NECAP1: variants seen among roughly 807,000 people sequenced by gnomAD.
The protein encoded by NECAP1 is NECAP endocytosis associated 1.
NECAP1 carries 13 observed loss-of-function variants against 33.4 expected under a neutral mutation model. The ratio of observed to expected loss-of-function variants is 0.39; its 90% CI spans 0.25 to 0.62. The LOEUF is 0.62. Ranked by LOEUF, NECAP1 falls within the 20% of genes least tolerant of loss-of-function variation. The pLI is 0.52. For synonymous variants in NECAP1, 109 were observed against 125.2 expected (o/e 0.87, Z 0.86); for missense variants, 272 against 347.4 (o/e 0.78, Z 1.73).
intron 1 of NECAP1, chr12:8,089,082 T>A (rs1947518131): frequency 1.3e-5 from 2 of 152,224 alleles, no homozygotes; most frequent in South Asian, 4.1e-4. Flanking sequence ...CTGTTTATTA[T>A]GTTTCTTTTT....
At chr12:8,082,540 A>G (rs1591593549) in intron 1 of NECAP1, among the ~76,000 whole-genome samples, 157 bp downstream of exon 1, 1 of 148,600 alleles carries the variant, frequency 6.7e-6, no homozygotes, top group African/African-American at 2.5e-5. Context: ...CACCTGCTCC[A>G]TCTCCACTCT....
rs1947449141 is a variant in NECAP1 at position 8,082,519 on chromosome 12, A to C, written c.95+136A>C. On this transcript the variant is annotated intron_variant, in intron 1 of 7. Transcript: ENST00000339754. ...TGCTAGCCTCCCTACCTGGGTTGTCATCTCCCTGACCACCTGCTCCATCTC... is the reference window on the plus strand; with the variant it reads ...TGCTAGCCTCCCTACCTGGGTTGTCCTCTCCCTGACCACCTGCTCCATCTC... 14 of 735,550 alleles carry C rather than the reference A, an allele frequency of 1.9e-5. No homozygotes were observed. The Middle Eastern group carries it at 2.2e-3, about 113-fold the overall frequency. 45.6% of individuals were successfully genotyped at this position (735,550 alleles called of 1,614,324 possible).
intron 1 of NECAP1, among the ~76,000 whole-genome samples, chr12:8,085,310 A>ATG (rs1565642930): frequency 4.6e-5 from 7 of 151,972 alleles, no homozygotes; most frequent in East Asian, 1.9e-4. Context: ...GAGCCACCGC[A>ATG]CCCGGCCTAC....
rs781344239 is a variant in NECAP1, at chr12:8,095,589, C to T, written c.677-12C>T. On this transcript the variant is annotated splice_polypyrimidine_tract_variant and intron_variant, in intron 6 of 7. Transcript: ENST00000339754. ...TATGTTTTTCTTTTTTCTTTTCTTA[C>T]CTTGTGTTTAGATATCCTTTTAGAT... 6 of 1,593,952 alleles carry T rather than the reference C, an allele frequency of 3.8e-6. No homozygotes were observed. The Admixed American group carries it at 6.7e-5, about 18-fold the overall frequency.
intron 4 of NECAP1, 83 bp from the exon 5 acceptor site, chr12:8,092,593 T>C: frequency 1.0e-6 from 1 of 976,914 alleles, no homozygotes. Flanking sequence ...TCTCATTTCA[T>C]AAAAGTAAAT....
intron 1 of NECAP1, among the ~76,000 whole-genome samples, chr12:8,083,399 T>C (rs1172304819): frequency 6.6e-6 from 1 of 150,968 alleles, no homozygotes; most frequent in Non-Finnish European, 1.5e-5. Flanking sequence ...AATAAAGCAG[T>C]TACAAATACT....
chr12:8,086,333 C>T (rs1270113657), intron 1 of NECAP1, among the ~76,000 whole-genome samples: 4 of 152,172 alleles, frequency 2.6e-5, no homozygotes, highest in African/African-American at 9.7e-5. Context: ...ACTTATCAGG[C>T]TGAGTGCGGT....
At chr12:8,094,215 AT>A (rs1947574783) in intron 6 of NECAP1, among the ~76,000 whole-genome samples, 1 of 151,992 alleles carries the variant, frequency 6.6e-6, no homozygotes, top group Non-Finnish European at 1.5e-5. Context: ...AGTATCTAAG[AT>A]TTTTTTTAAA....
Position 8,095,670 on chromosome 12 carries a change from A to T in NECAP1, c.746A>T (p.Asn249Ile). The part of the protein sequence containing the change: ...TPAPTPVSVS[N>I]DLWGDFSTAS... ...GCACCAACTCCAGTTTCTGTAAGCA[A>T]TGACTTGTGGGGAGACTTCAGCACT... is the stretch of plus-strand genomic sequence containing the variant. The change falls in exon 7 of 8, where the codon AAT becomes ATT. Residue 249 changes from asparagine (N) to isoleucine (I), a missense_variant. By Grantham distance (149) the Asn-to-Ile change is moderately radical. Coordinates refer to ENST00000339754, the MANE Select transcript of NECAP1 (RefSeq NM_015509.4). The T allele has an allele frequency of 6.2e-7, 1 of 1,614,006 alleles. No homozygotes were observed. Among genetic ancestry groups the T allele is most frequent in the South Asian group, 1.1e-5 (1 of 91,084 alleles).
At chr12:8,091,874 A>ACG (rs757439635) in intron 4 of NECAP1, 24 bp downstream of exon 4, 1 of 1,594,354 alleles carries the variant, frequency 6.3e-7, no homozygotes, top group East Asian at 2.2e-5. Flanking sequence ...GTCCTTAGTT[A>ACG]CGAGGCTGAA....
At chr12:8,091,361 T>C (rs756750229) in intron 3 of NECAP1, 22 of 189,752 alleles carry the variant, frequency 1.2e-4, no homozygotes, top group Non-Finnish European at 2.0e-4. Context: ...TATTACATTG[T>C]AATGTATAAT....
At position 8,092,840 on chromosome 12, in the gene NECAP1, C is replaced by A. The variant is rs190832103; in HGVS notation, c.493-32C>A. 456 of 1,581,342 alleles carry A rather than the reference C, an allele frequency of 2.9e-4. 2 individuals are homozygous for A. The African/African-American group carries it at 5.1e-3, about 18-fold the overall frequency. On this transcript the variant is annotated intron_variant, in intron 5 of 7. Transcript: ENST00000339754. ...CTGTGCTTCCATAAGCCTATGACATCTTTCTCTTGCTCTTCTTTTTTTCTT... is the reference window on the plus strand; with the variant it reads ...CTGTGCTTCCATAAGCCTATGACATATTTCTCTTGCTCTTCTTTTTTTCTT...
At chr12:8,095,330 G>A (rs1054054532) in intron 6 of NECAP1, 9 of 251,532 alleles carry the variant, frequency 3.6e-5, no homozygotes, top group Non-Finnish European at 5.5e-5. Context: ...CTCACTGCAA[G>A]CTCCGCTTCC....
chr12:8,092,255 C>T (rs1947555875), intron 4 of NECAP1: 1 of 295,300 alleles, frequency 3.4e-6, no homozygotes, highest in African/African-American at 2.2e-5. Context: ...CTGTGGTTGA[C>T]AGCACTGTGC....
rs552986638 is a variant in NECAP1, at chr12:8,087,646, C to T, written c.96-2290C>T. 8.6e-5 allele frequency among the ~76,000 whole-genome samples: 13 copies of T among 151,930 alleles called. No homozygotes were observed. In the South Asian group the frequency reaches 2.5e-3, roughly 29 times the overall value. On this transcript the variant is annotated intron_variant, in intron 1 of 7. Transcript: ENST00000339754. ...TCAGGCAGTCCTCCTGCCTTGGCCT[C>T]CCAAAGTGCTGGTTATAGGCGTGAG... is the stretch of plus-strand genomic sequence containing the variant.
intron 1 of NECAP1, among the ~76,000 whole-genome samples, chr12:8,088,269 A>G (rs150294190): frequency 9.7e-4 from 148 of 152,256 alleles, no homozygotes; most frequent in African/African-American, 3.2e-3. Flanking sequence ...AGACATCTCA[A>G]ACTCAGCATA....
In NECAP1 at chr12:8,096,684, G is replaced by A. The variant is rs1335821853; in HGVS notation, c.*594G>A. ...TGTGCTCAGTGAACATCCAGTGCTG[G>A]GTGCAGCTCCATCACCCTCTTGTGT... On this transcript the variant is annotated 3_prime_UTR_variant, in exon 8 of 8. Transcript: ENST00000339754. 1 of 152,654 alleles carries A rather than the reference G, an allele frequency of 6.6e-6. No individual in the cohort carries two copies. The highest frequency in any genetic ancestry group is 2.4e-5 in the African/African-American group (1 of 41,446). The allele number at this position is 152,654 out of a possible 1,614,324, so 9.5% of individuals were successfully genotyped here.
At chr12:8,092,437 A>T (rs1002624765) in intron 4 of NECAP1, 2 of 434,228 alleles carry the variant, frequency 4.6e-6, no homozygotes, top group Non-Finnish European at 8.2e-6. Context: ...GCTAAATACC[A>T]TCCTTCTGGA....
intron 1 of NECAP1, chr12:8,082,842 A>G (rs1947454403): frequency 6.4e-6 from 1 of 155,108 alleles, no homozygotes; most frequent in Admixed American, 6.5e-5. Context: ...ATGCACATTT[A>G]TGGGTAATCG....
Sources: gnomAD v4.1 joint callset for allele counts (sites outside exome capture counted in the v4.1 genomes callset) on GRCh38, gnomAD v4.1.1 for gene constraint, MANE v1.5 for transcripts, NCBI Gene and HGNC (gene_info 2026-07-23, HGNC 2026-07-21) for gene names.